The following AGXT2 variants were observed in gnomAD, a reference collection of about 807,000 sequenced individuals.
AGXT2 encodes alanine--glyoxylate aminotransferase 2, mitochondrial.
Under a neutral mutation model 62.5 loss-of-function variants are expected in AGXT2, and 61 were observed. The observed-to-expected ratio is 0.98, with a 90% CI of 0.79 to 1.21. The LOEUF (loss-of-function observed/expected upper bound fraction) is 1.21, where lower values mean the gene tolerates loss of function less well. AGXT2 is among the 50% of genes most tolerant of loss of function. The pLI is 0.00. For missense variants in AGXT2, 666 were observed against 641.5 expected (o/e 1.04, Z -0.41); for synonymous variants, 243 against 218.7 (o/e 1.11, Z -0.98).
At chr5:34,999,578 G>A (rs1035925626) in intron 13 of AGXT2, among the ~76,000 whole-genome samples, 17 of 152,084 alleles carry the variant, frequency 1.1e-4, no homozygotes, top group Middle Eastern at 3.2e-3. Flanking sequence ...GAGTGATGCC[G>A]CTAGATATTC....
chr5:35,040,994 CG>C (rs568612510), intron 1 of AGXT2, among the ~76,000 whole-genome samples: 2 of 152,076 alleles, frequency 1.3e-5, no homozygotes, highest in South Asian at 4.2e-4. Context: ...TAGTGCAATG[CG>C]TTGTTGGAGT....
intron 9 of AGXT2, among the ~76,000 whole-genome samples, chr5:35,019,944 C>G (rs1395146684): frequency 6.6e-6 from 1 of 152,238 alleles, no homozygotes; most frequent in Non-Finnish European, 1.5e-5. Flanking sequence ...ACTACAACCA[C>G]CTCTATGCAA....
At chr5:35,012,081 G>T (rs927088297) in intron 11 of AGXT2, among the ~76,000 whole-genome samples, 1 of 152,116 alleles carries the variant, frequency 6.6e-6, no homozygotes, top group South Asian at 2.1e-4. Flanking sequence ...ACCCAGAAGC[G>T]GGGAAGCTGG....
At chr5:35,007,887 C>A (rs1766492378) in intron 12 of AGXT2, among the ~76,000 whole-genome samples, 1 of 152,026 alleles carries the variant, frequency 6.6e-6, no homozygotes, top group Non-Finnish European at 1.5e-5. Context: ...GTTGTCACTC[C>A]ATTAGTTCCT....
At chr5:35,018,286 T>C (rs1173393861) in intron 9 of AGXT2, among the ~76,000 whole-genome samples, 1 of 151,728 alleles carries the variant, frequency 6.6e-6, no homozygotes, top group African/African-American at 2.4e-5. Flanking sequence ...TTCATCAAAG[T>C]TGAAATGAAG....
chr5:35,037,160 A>G (rs1285716983), intron 3 of AGXT2, 95 bp from the exon 4 acceptor site: 6 of 1,568,578 alleles, frequency 3.8e-6, no homozygotes, highest in Admixed American at 1.8e-5. Flanking sequence ...GTTTTTTCTC[A>G]AAGAGTTTCA....
At chr5:35,028,897 A>C (rs181336330) in intron 7 of AGXT2, among the ~76,000 whole-genome samples, 1 of 152,210 alleles carries the variant, frequency 6.6e-6, no homozygotes, top group African/African-American at 2.4e-5. Context: ...TGCTGTCTCC[A>C]CGGTGCTAGA....
intron 4 of AGXT2, 79 bp downstream of exon 4, chr5:35,036,863 T>TC: frequency 6.2e-7 from 1 of 1,602,204 alleles, no homozygotes; most frequent in South Asian, 1.1e-5. Context: ...ATCATAAGAC[T>TC]CCTGTCTCTT....
rs1280804763 is a variant in AGXT2 at position 35,039,423 on chromosome 5, A to G, written c.263T>C (p.Leu88Pro). Reference protein sequence around the residue: ...VTAYFQKPLLLHQGHMEWLFD... With the variant: ...VTAYFQKPLLPHQGHMEWLFD... ...GAGCCACTCCATGTGCCCCTGGTGGAGCAGCAGGGGTTTCTGGAAATATGC... is the reference window on the plus strand; with the variant it reads ...GAGCCACTCCATGTGCCCCTGGTGGGGCAGCAGGGGTTTCTGGAAATATGC... Residue 88 changes from leucine to proline, a missense_variant, in exon 3 of 14, where the codon CTC becomes CCC. Physicochemically the swap from Leu to Pro is moderately conservative, Grantham distance 98. Coordinates refer to ENST00000231420, the MANE Select transcript of AGXT2 (RefSeq NM_031900.4). The G allele has an allele frequency of 6.2e-7, 1 of 1,613,952 alleles. No individual in the cohort carries two copies. The highest frequency in any genetic ancestry group is 8.5e-7 in the Non-Finnish European group (1 of 1,179,806).
Position 35,033,495 on chromosome 5 carries a change from T to G in AGXT2, c.640A>C (p.Lys214Gln), listed in dbSNP as rs1221687087. The G allele has an allele frequency of 6.2e-7, 1 of 1,613,818 alleles. No homozygotes were observed. Among genetic ancestry groups the G allele is most frequent in the South Asian group, 1.1e-5 (1 of 91,080 alleles). ...CCTGTCCCACCAGGGAGTTCCATCTTGTAGGTCCCTACGTTTGTCAAGCCA... is the reference window on the plus strand; with the variant it reads ...CCTGTCCCACCAGGGAGTTCCATCTGGTAGGTCCCTACGTTTGTCAAGCCA... ...TLGLTNVGTY[K>Q]MELPGGTGCQ... Residue 214 changes from lysine (K) to glutamine (Q), a missense_variant, in exon 6 of 14, where the codon AAG becomes CAG. By Grantham distance (53) the Lys-to-Gln change is moderately conservative (BLOSUM62 1). Coordinates refer to ENST00000231420, the MANE Select transcript of AGXT2 (RefSeq NM_031900.4).
At chr5:35,032,482 T>G (rs901824091) in intron 7 of AGXT2, among the ~76,000 whole-genome samples, 1 of 152,224 alleles carries the variant, frequency 6.6e-6, no homozygotes, top group Admixed American at 6.5e-5. Flanking sequence ...AGTCGTTTTT[T>G]TGAGCTTGGC....
At chr5:35,013,501 C>T (rs185559573) in intron 10 of AGXT2, among the ~76,000 whole-genome samples, 3 of 152,250 alleles carry the variant, frequency 2.0e-5, no homozygotes, top group Non-Finnish European at 2.9e-5. Flanking sequence ...GGCTGGCTTT[C>T]GGATAGGGGT....
At chr5:35,040,175 A>G (rs1446654507) in intron 2 of AGXT2, among the ~76,000 whole-genome samples, 1 of 152,216 alleles carries the variant, frequency 6.6e-6, no homozygotes, top group Non-Finnish European at 1.5e-5. Flanking sequence ...CAAAAATATA[A>G]CTATAATTTT....
At chr5:35,006,962 A>G (rs1422666094) in intron 12 of AGXT2, among the ~76,000 whole-genome samples, 1 of 152,218 alleles carries the variant, frequency 6.6e-6, no homozygotes, top group African/African-American at 2.4e-5. Flanking sequence ...GTATTTATAC[A>G]TAAAAGGTGA....
At chr5:35,012,240 T>TATATATAC (rs1561215394) in intron 11 of AGXT2, among the ~76,000 whole-genome samples, 1 of 150,790 alleles carries the variant, frequency 6.6e-6, no homozygotes, top group Admixed American at 6.6e-5. Flanking sequence ...AATAAATAAA[T>TATATATAC]ATATATACAT....
chr5:35,026,600 A>G, intron 7 of AGXT2, 90 bp from the exon 8 acceptor site: 2 of 1,227,632 alleles, frequency 1.6e-6, no homozygotes, highest in African/African-American at 3.0e-5. Context: ...ACAGGAAAAA[A>G]AAAAAACAAC....
At chr5:35,020,856 A>G (rs1158666777) in intron 9 of AGXT2, among the ~76,000 whole-genome samples, 5 of 152,094 alleles carry the variant, frequency 3.3e-5, no homozygotes, top group Admixed American at 2.6e-4. Context: ...CCTTAAGCTG[A>G]TAAGCAACTT....
intron 9 of AGXT2, among the ~76,000 whole-genome samples, chr5:35,017,802 G>T (rs1034275967): frequency 2.6e-5 from 4 of 152,078 alleles, no homozygotes; most frequent in Non-Finnish European, 4.4e-5. Context: ...TCAAACCAAA[G>T]GCAAAGAAGT....
chr5:35,024,426 G>T (rs1027831475), intron 9 of AGXT2, among the ~76,000 whole-genome samples: 5 of 152,108 alleles, frequency 3.3e-5, no homozygotes, highest in African/African-American at 1.2e-4. Context: ...TGCTTTATTT[G>T]ATACACTCTA....
Sources: allele counts gnomAD v4.1 joint callset (sites outside exome capture counted in the v4.1 genomes callset), GRCh38; gene constraint gnomAD v4.1.1; transcripts MANE v1.5; gene names NCBI Gene and HGNC (gene_info 2026-07-23, HGNC 2026-07-21).